The following ACSBG2 variants were observed in gnomAD, a reference collection of about 807,000 sequenced individuals.
ACSBG2 encodes the protein long-chain-fatty-acid--CoA ligase ACSBG2.
ACSBG2 carries 62 observed loss-of-function variants against 74.7 expected under a neutral mutation model. That is an observed-to-expected ratio of 0.83 (90% confidence interval 0.68 to 1.03). The LOEUF (loss-of-function observed/expected upper bound fraction) is 1.03. Among genes scored for constraint, ACSBG2 ranks in the 50% least tolerant of loss-of-function variants. The pLI, the probability that ACSBG2 is intolerant of heterozygous loss-of-function variation, is 0.00. For synonymous variants in ACSBG2, 309 were observed against 294.1 expected (o/e 1.05, Z -0.52); for missense variants, 730 against 817.6 (o/e 0.89, Z 1.31).
intron 5 of ACSBG2, among the ~76,000 whole-genome samples, chr19:6,159,783 C>A (rs2089546490): frequency 6.6e-6 from 1 of 152,122 alleles, no homozygotes; most frequent in Non-Finnish European, 1.5e-5. Flanking sequence ...TGATCTGGGC[C>A]TCACCATTCT....
chr19:6,181,980 G>A (rs892702090), intron 8 of ACSBG2, among the ~76,000 whole-genome samples: 6 of 152,042 alleles, frequency 3.9e-5, no homozygotes, highest in African/African-American at 7.2e-5. Flanking sequence ...GATGGCTAAC[G>A]TTTCCTGGTT....
chr19:6,168,828 G>A (rs763155561), intron 7 of ACSBG2, among the ~76,000 whole-genome samples: 1 of 151,944 alleles, frequency 6.6e-6, no homozygotes, highest in Non-Finnish European at 1.5e-5. Context: ...ATCCAGGCTG[G>A]AGTACAGTGA....
intron 1 of ACSBG2, among the ~76,000 whole-genome samples, chr19:6,140,574 G>A (rs552141499): frequency 7.2e-5 from 11 of 152,124 alleles, no homozygotes; most frequent in South Asian, 4.2e-4. Context: ...CTGCTACTCC[G>A]GAGGCTGAGG....
chr19:6,165,865 G>A lies in ACSBG2; in HGVS notation c.589-1G>A, dbSNP rs1457182560. The A allele has an allele frequency of 6.2e-7, 1 of 1,614,046 alleles. No individual in the cohort carries two copies. The highest frequency in any genetic ancestry group is 8.5e-7 in the Non-Finnish European group (1 of 1,179,936). ...CCTCCGCTTGTCTTTTCTGTCCACA[G>A]TGGGATGATTTCATGGAACTTGGCA... On this transcript the variant is annotated splice_acceptor_variant, in intron 6 of 14. Coordinates refer to ENST00000588485, the MANE Select transcript of ACSBG2 (RefSeq NM_030924.5). LOFTEE classifies it high-confidence loss of function.
chr19:6,139,896 T>A (rs1166623218), intron 1 of ACSBG2, among the ~76,000 whole-genome samples: 1 of 151,614 alleles, frequency 6.6e-6, no homozygotes, highest in Non-Finnish European at 1.5e-5. Flanking sequence ...CTGACCAACA[T>A]GGAGAAACTC....
rs571121701 is a variant in ACSBG2, at chr19:6,160,833, C to T, written c.508-382C>T. 2.9e-5 allele frequency: 5 copies of T among 169,850 alleles called. No homozygotes were observed. The South Asian group carries it at 7.2e-4, about 25-fold the overall frequency. The allele number at this position is 169,850 out of a possible 1,614,324, so 10.5% of individuals were successfully genotyped here. ...AGAGGCTGGAGGCTGGGCACAGTGG[C>T]TCACGCCTGTAATCCCAGCACTTTG... On this transcript the variant is annotated intron_variant, in intron 5 of 14. Coordinates refer to ENST00000588485, the MANE Select transcript of ACSBG2 (RefSeq NM_030924.5).
intron 7 of ACSBG2, among the ~76,000 whole-genome samples, chr19:6,166,778 C>T (rs946653250): frequency 6.6e-6 from 1 of 152,086 alleles, no homozygotes; most frequent in Non-Finnish European, 1.5e-5. Context: ...TCTGGGACTA[C>T]AAGCCAGTGC....
chr19:6,178,650 C>T (rs1473523170), intron 8 of ACSBG2, among the ~76,000 whole-genome samples: 1 of 152,212 alleles, frequency 6.6e-6, no homozygotes, highest in African/African-American at 2.4e-5. Context: ...GCTGGGATTA[C>T]AGGCATGAGC....
At chr19:6,191,467 T>C (rs867615395) in intron 14 of ACSBG2, 2 of 152,248 alleles carry the variant, frequency 1.3e-5, no homozygotes, top group South Asian at 2.1e-4. Flanking sequence ...AAGTGTGAGA[T>C]TGAGAGGCTG....
rs2090214557 is a variant in ACSBG2, at chr19:6,180,393, T to A, written c.907-2358T>A. On this transcript the variant is annotated intron_variant, in intron 8 of 14. Coordinates refer to ENST00000588485, the MANE Select transcript of ACSBG2 (RefSeq NM_030924.5). This position sits in a 1 kb window ranked among gnomAD's most constrained non-coding sequence, Gnocchi z 4.3. The stretch of plus-strand genomic sequence containing the variant: ...GCAGGGCTGACTCTTCTTTGTCACT[T>A]AGCTCTCTGCTAAATATTTCCTTGG... 6.6e-6 allele frequency among the ~76,000 whole-genome samples: 1 copy of A among 152,210 alleles called. No homozygotes were observed. Among genetic ancestry groups the A allele is most frequent in the Non-Finnish European group, 1.5e-5 (1 of 68,038 alleles).
At chr19:6,171,587 C>G (rs8109924) in intron 7 of ACSBG2, among the ~76,000 whole-genome samples, 1 of 152,014 alleles carries the variant, frequency 6.6e-6, no homozygotes, top group Non-Finnish European at 1.5e-5. Context: ...ATCCACTGTA[C>G]GTCTGATGGA....
chr19:6,187,916 G>C, intron 13 of ACSBG2, 71 bp downstream of exon 13: 1 of 1,567,304 alleles, frequency 6.4e-7, no homozygotes, highest in Non-Finnish European at 8.7e-7. Context: ...TGAAGAGACA[G>C]GTCCTTTTCT....
chr19:6,184,861 A>ACAAAACAAACAAAC lies in ACSBG2; in HGVS notation c.1323-575_1323-574insCAAAACAAACAAAC, dbSNP rs1568254747. On this transcript the variant is annotated intron_variant, in intron 10 of 14. Transcript: ENST00000588485. ...AAAAAAAAAAAAAAAAAAAAAAAAAAAAAAAAAAAAACGAAAAACAGCCTG... is the reference window on the plus strand; with the variant it reads ...AAAAAAAAAAAAAAAAAAAAAAAAAACAAAACAAACAAACAAAAAAAAAAACGAAAAACAGCCTG... 3.3e-4 allele frequency among the ~76,000 whole-genome samples: 46 copies of ACAAAACAAACAAAC among 139,794 alleles called. 1 individual carries two copies. The highest frequency in any genetic ancestry group is 3.6e-3 in the Middle Eastern group (1 of 280). The allele number at this position is 139,794 out of a possible 152,430, so 91.7% of individuals were successfully genotyped here. A position where few individuals can be genotyped will look rare whatever the true frequency, so the allele number is the denominator to read the frequency against.
At chr19:6,148,177 A>G (rs1350065587) in intron 3 of ACSBG2, 1 of 166,424 alleles carries the variant, frequency 6.0e-6, no homozygotes, top group Non-Finnish European at 1.3e-5. Context: ...AGCTGGGGCT[A>G]TCTCATCTGA....
intron 5 of ACSBG2, among the ~76,000 whole-genome samples, chr19:6,160,098 A>C (rs2089554750): frequency 6.6e-6 from 1 of 152,060 alleles, no homozygotes; most frequent in African/African-American, 2.4e-5. Flanking sequence ...AGAGTATAAA[A>C]ATCTCGCAGG....
intron 10 of ACSBG2, among the ~76,000 whole-genome samples, chr19:6,183,569 A>G (rs1183490508): frequency 6.6e-6 from 1 of 152,062 alleles, no homozygotes; most frequent in African/African-American, 2.4e-5. Flanking sequence ...CATCCCCATG[A>G]TCCTCCATCT....
chr19:6,188,560 C>G (rs1284554270), intron 13 of ACSBG2, among the ~76,000 whole-genome samples: 3 of 152,110 alleles, frequency 2.0e-5, no homozygotes, highest in Non-Finnish European at 4.4e-5. Context: ...CCAGGGAGGT[C>G]AAGGCTGCAG....
intron 4 of ACSBG2, among the ~76,000 whole-genome samples, chr19:6,155,346 T>C (rs2089381838): frequency 6.6e-6 from 1 of 152,256 alleles, no homozygotes; most frequent in East Asian, 1.9e-4. Context: ...CTAAAGCTTC[T>C]AGAAAAAGAA....
rs1157696127 is a variant in ACSBG2 at position 6,147,619 on chromosome 19, C to G, written c.241C>G (p.Leu81Val). The change falls in exon 3 of 15, where the codon CTG becomes GTG. Residue 81 changes from leucine (L) to valine (V), a missense_variant. By Grantham distance (32) the Leu-to-Val change is conservative. Coordinates refer to ENST00000588485, the MANE Select transcript of ACSBG2 (RefSeq NM_030924.5). The stretch of plus-strand genomic sequence containing the variant: ...CAAGAATGGCAAAAAGTGGGAAATT[C>G]TGAATTTCAACCAGTACTATGAGGC... Reference protein sequence around the residue: ...ASKNGKKWEILNFNQYYEACR... With the variant: ...ASKNGKKWEIVNFNQYYEACR... 6.2e-7 allele frequency: 1 copy of G among 1,614,090 alleles called. No individual in the cohort carries two copies. The highest frequency in any genetic ancestry group is 1.3e-5 in the African/African-American group (1 of 74,926).
Sources: gnomAD v4.1 joint callset for allele counts (sites outside exome capture counted in the v4.1 genomes callset) on GRCh38, gnomAD v4.1.1 for gene constraint, Gnocchi (gnomAD v3.1) non-coding constraint, MANE v1.5 for transcripts, NCBI Gene and HGNC (gene_info 2026-07-23, HGNC 2026-07-21) for gene names.